Variants in HDAC9 observed in about 807,000 individuals in gnomAD.
HDAC9 encodes histone deacetylase 9.
Under a neutral mutation model 139.4 loss-of-function variants are expected in HDAC9, and 41 were observed. That is an observed-to-expected ratio of 0.29 (90% CI 0.23 to 0.38). The LOEUF is 0.38. HDAC9 is among the 10% of genes least tolerant of loss of function. The pLI is 1.00. For missense variants in HDAC9, 1,147 were observed against 1,297.0 expected, an observed-to-expected ratio of 0.88 and a Z score of 1.78; for synonymous variants, 517 against 476.2, an observed-to-expected ratio of 1.09 and a Z score of -1.12.
At chr7:18,180,793 C>G (rs1238151082) in intron 2 of HDAC9, among the ~76,000 whole-genome samples, 1 of 152,156 alleles carries the variant, frequency 6.6e-6, no homozygotes, top group African/African-American at 2.4e-5. Context: ...CTCACAGTTC[C>G]AGAAGCCAGA....
At chr7:18,416,236 C>A (rs1789047268) in intron 1 of HDAC9, among the ~76,000 whole-genome samples, 1 of 151,816 alleles carries the variant, frequency 6.6e-6, no homozygotes, top group African/African-American at 2.4e-5. Context: ...GCAGAGGTTG[C>A]AGTGAGCCGA....
At chr7:18,198,087 C>A (rs961646517) in intron 2 of HDAC9, among the ~76,000 whole-genome samples, 3 of 152,028 alleles carry the variant, frequency 2.0e-5, no homozygotes, top group African/African-American at 4.8e-5. Context: ...AACATTAAAG[C>A]AAATCATCTT....
chr7:18,705,116 C>T (rs772839114), intron 12 of HDAC9, among the ~76,000 whole-genome samples: 2 of 152,148 alleles, frequency 1.3e-5, no homozygotes, highest in Non-Finnish European at 2.9e-5. Flanking sequence ...GACTGATGTA[C>T]CTGCGGGACT....
At chr7:18,941,958 A>G (rs541553492) in intron 23 of HDAC9, among the ~76,000 whole-genome samples, 1 of 152,162 alleles carries the variant, frequency 6.6e-6, no homozygotes, top group Admixed American at 6.6e-5. Context: ...AATTTTCTAT[A>G]TAGTCTTTAG....
chr7:18,555,933 A>C (rs1369158664), intron 2 of HDAC9, among the ~76,000 whole-genome samples: 1 of 152,094 alleles, frequency 6.6e-6, no homozygotes, highest in East Asian at 1.9e-4. Flanking sequence ...CTTTTTACAT[A>C]GGTTGGTCTA....
At chr7:18,857,196 CTTT>C (rs1011805365) in intron 21 of HDAC9, among the ~76,000 whole-genome samples, 1 of 151,330 alleles carries the variant, frequency 6.6e-6, no homozygotes. Flanking sequence ...AATTGCTTCT[CTTT>C]TTTTATTTTT....
At chr7:18,384,762 GA>G (rs1785759787) in intron 1 of HDAC9, among the ~76,000 whole-genome samples, 1 of 143,352 alleles carries the variant, frequency 7.0e-6, no homozygotes, top group African/African-American at 2.6e-5. Flanking sequence ...GGATTGGGGA[GA>G]AAAAAGAAAA....
chr7:18,902,925 A>G (rs1291056484), intron 22 of HDAC9, among the ~76,000 whole-genome samples: 7 of 152,210 alleles, frequency 4.6e-5, no homozygotes, highest in Non-Finnish European at 1.0e-4. Flanking sequence ...CATCTATAGT[A>G]ATAGTATTTA....
At chr7:18,162,289 A>G (rs1376002727) in exon 2 of HDAC9, 4 of 1,533,404 alleles carry the variant, frequency 2.6e-6, no homozygotes, top group Non-Finnish European at 3.5e-6. Flanking sequence ...AAGGCTGTGA[A>G]TCTGCATCCT....
intron 24 of HDAC9, among the ~76,000 whole-genome samples, chr7:18,971,264 TG>T (rs937242524): frequency 6.6e-6 from 1 of 152,184 alleles, no homozygotes; most frequent in African/African-American, 2.4e-5. Flanking sequence ...ATTTACATAG[TG>T]GGAAAAATGA....
chr7:18,422,744 G>GCGCACACACA (rs1426974833), intron 1 of HDAC9, among the ~76,000 whole-genome samples: 50 of 26,336 alleles, frequency 1.9e-3, no homozygotes, highest in Admixed American at 4.0e-3. Flanking sequence ...ACACACACGC[G>GCGCACACACA]CACACACACA....
At chr7:18,814,594 C>A (rs1342031658) in intron 17 of HDAC9, among the ~76,000 whole-genome samples, 1 of 152,066 alleles carries the variant, frequency 6.6e-6, no homozygotes, top group African/African-American at 2.4e-5. Context: ...TGCTCACCCC[C>A]CACCCCAACT....
At chr7:18,638,966 G>A (rs1050300765) in intron 8 of HDAC9, among the ~76,000 whole-genome samples, 1 of 151,938 alleles carries the variant, frequency 6.6e-6, no homozygotes, top group Non-Finnish European at 1.5e-5. Context: ...TGTTTCCATG[G>A]ATATCAACAC....
At chr7:18,684,463 CACAA>C (rs60898555) in intron 12 of HDAC9, among the ~76,000 whole-genome samples, 46,908 of 150,184 alleles carry the variant, frequency 0.31, 10,179 homozygotes, top group African/African-American at 0.59. Context: ...TGCAACAACT[CACAA>C]ACAAACAAAC....
intron 16 of HDAC9, among the ~76,000 whole-genome samples, chr7:18,771,875 T>C (rs1478787609): frequency 6.6e-6 from 1 of 152,138 alleles, no homozygotes; most frequent in Non-Finnish European, 1.5e-5. Flanking sequence ...AGGATGGTCA[T>C]CTTTGAAACA....
intron 1 of HDAC9, among the ~76,000 whole-genome samples, chr7:18,488,599 A>G (rs1004486829): frequency 1.3e-5 from 2 of 152,022 alleles, no homozygotes; most frequent in African/African-American, 4.8e-5. Context: ...TGAGTTAAAG[A>G]TAGAGCATGA....
At chr7:18,759,629 C>T (rs1789197058) in intron 14 of HDAC9, among the ~76,000 whole-genome samples, 1 of 152,136 alleles carries the variant, frequency 6.6e-6, no homozygotes, top group Non-Finnish European at 1.5e-5. Flanking sequence ...ATGTAATGTG[C>T]TTGAATCATC....
At chr7:18,412,980 A>G (rs2128745805) in intron 1 of HDAC9, among the ~76,000 whole-genome samples, 1 of 152,344 alleles carries the variant, frequency 6.6e-6, no homozygotes, top group Non-Finnish European at 1.5e-5. Flanking sequence ...GTGCCAGTCA[A>G]GGTTTTAAAA....
chr7:18,505,448 A>G (rs913212760), intron 2 of HDAC9, among the ~76,000 whole-genome samples: 3 of 152,240 alleles, frequency 2.0e-5, no homozygotes, highest in Non-Finnish European at 2.9e-5. Flanking sequence ...TTCTCTAGCC[A>G]CAATAAAGAT....
Sources: gnomAD v4.1 joint callset for allele counts (sites outside exome capture counted in the v4.1 genomes callset) on GRCh38, gnomAD v4.1.1 for gene constraint, MANE v1.5 for transcripts, NCBI Gene and HGNC (gene_info 2026-07-23, HGNC 2026-07-21) for gene names.